TYW3: variants seen among roughly 807,000 people sequenced by gnomAD.
TYW3 encodes tRNA wybutosine-synthesizing protein 3 homolog.
Under a neutral mutation model 23.1 loss-of-function variants are expected in TYW3, and 26 were observed. That is an observed-to-expected ratio of 1.13 (90% CI 0.83 to 1.56). The LOEUF is 1.56. Ranked by LOEUF, TYW3 falls within the 40% of genes most tolerant of loss-of-function variation. TYW3 has a pLI of 0.00. For missense variants in TYW3, 316 were observed against 311.9 expected (o/e 1.01, Z -0.10); for synonymous variants, 102 against 105.7 (o/e 0.97, Z 0.21).
chr1:74,748,701 G>T, intron 3 of TYW3, 50 bp from the exon 4 acceptor site: 3 of 1,554,468 alleles, frequency 1.9e-6, no homozygotes, highest in East Asian at 2.3e-5. Context: ...CCAAACAGAT[G>T]ATCTGGTTAC....
intron 2 of TYW3, among the ~76,000 whole-genome samples, chr1:74,738,468 A>C (rs1648229615): frequency 6.6e-6 from 1 of 152,250 alleles, no homozygotes; most frequent in Non-Finnish European, 1.5e-5. Context: ...AGGTGGAAAG[A>C]ATGGTATAGA....
In TYW3 at chr1:74,765,913, G is replaced by A. The variant is rs1649292876; in HGVS notation, c.*1800G>A. 1 of 152,060 alleles carries A rather than the reference G, an allele frequency of 6.6e-6. No homozygotes were observed. The highest frequency in any genetic ancestry group is 6.6e-5 in the Admixed American group (1 of 15,254). 9.4% of individuals were successfully genotyped at this position (152,060 alleles called of 1,614,324 possible). ...CTGTTTATATAAGGTTAGTAGAGAG[G>A]AGACACCAGGTGCTGGCCATAAACC... is the stretch of plus-strand genomic sequence containing the variant. On this transcript the variant is annotated 3_prime_UTR_variant, in exon 6 of 6. Transcript: ENST00000370867.
intron 3 of TYW3, among the ~76,000 whole-genome samples, chr1:74,744,835 G>A (rs1648500588): frequency 6.6e-6 from 1 of 152,164 alleles, no homozygotes; most frequent in Non-Finnish European, 1.5e-5. Flanking sequence ...TCATGGTCTT[G>A]CTGACTTCCG....
At chr1:74,762,203 G>A (rs1649158659) in intron 5 of TYW3, among the ~76,000 whole-genome samples, 2 of 152,114 alleles carry the variant, frequency 1.3e-5, no homozygotes, top group South Asian at 4.1e-4. Flanking sequence ...TGTTGTATAT[G>A]TATTAGAGTT....
At chr1:74,748,027 G>A (rs1648648498) in intron 3 of TYW3, among the ~76,000 whole-genome samples, 1 of 152,094 alleles carries the variant, frequency 6.6e-6, no homozygotes, top group African/African-American at 2.4e-5. Flanking sequence ...TGGCATTTCA[G>A]GTCAAATAAT....
In TYW3 at chr1:74,766,397, G is replaced by T. The variant is rs772841433; in HGVS notation, c.*2284G>T. ...ACCTTCCAGTGGTACAAGATGTGGA[G>T]GAGGAAGACAGTGATACTGAGGATT... On this transcript the variant is annotated 3_prime_UTR_variant, in exon 6 of 6. Transcript: ENST00000370867. 6.6e-6 allele frequency: 1 copy of T among 152,086 alleles called. No individual in the cohort carries two copies. Among genetic ancestry groups the T allele is most frequent in the Non-Finnish European group, 1.5e-5 (1 of 68,010 alleles). 9.4% of individuals were successfully genotyped at this position (152,086 alleles called of 1,614,324 possible).
chr1:74,737,842 G>A (rs2100754529), intron 2 of TYW3, among the ~76,000 whole-genome samples: 1 of 152,238 alleles, frequency 6.6e-6, no homozygotes, highest in African/African-American at 2.4e-5. Context: ...TATAGCAGGA[G>A]GGAAGAGACT....
intron 3 of TYW3, among the ~76,000 whole-genome samples, chr1:74,743,301 C>T (rs1055481431): frequency 5.3e-5 from 8 of 152,120 alleles, no homozygotes; most frequent in Non-Finnish European, 1.0e-4. Flanking sequence ...CAGCCTTTCT[C>T]GGATCTCGCT....
chr1:74,743,082 TTG>T (rs1557744001), intron 3 of TYW3, among the ~76,000 whole-genome samples: 1 of 152,094 alleles, frequency 6.6e-6, no homozygotes, highest in Non-Finnish European at 1.5e-5. Context: ...CAGAGAACGT[TTG>T]TTCTCTGGGG....
At position 74,733,266 on chromosome 1, in the gene TYW3, A is replaced by G; in HGVS notation, c.22A>G (p.Arg8Gly). MDRSAEF[R>G]KWKAQCLSKA... ...ACCCATGGATCGCAGCGCGGAGTTC[A>G]GGAAATGGAAGGCGCAATGTTTGAG... is the stretch of plus-strand genomic sequence containing the variant. Residue 8 changes from arginine to glycine, a missense_variant, in exon 1 of 6, where the codon AGG becomes GGG. By Grantham distance (125) the Arg-to-Gly change is moderately radical. Coordinates refer to ENST00000370867, the MANE Select transcript of TYW3 (RefSeq NM_138467.3). 1 of 1,614,136 alleles carries G rather than the reference A, an allele frequency of 6.2e-7. No homozygotes were observed. The highest frequency in any genetic ancestry group is 8.5e-7 in the Non-Finnish European group (1 of 1,180,006).
At chr1:74,746,053 A>G (rs1433030409) in intron 3 of TYW3, among the ~76,000 whole-genome samples, 2 of 152,194 alleles carry the variant, frequency 1.3e-5, no homozygotes, top group Non-Finnish European at 2.9e-5. Flanking sequence ...GCATCAACAT[A>G]TGAATTTTGA....
At chr1:74,758,401 T>A (rs1195749375) in intron 5 of TYW3, among the ~76,000 whole-genome samples, 1 of 152,226 alleles carries the variant, frequency 6.6e-6, no homozygotes, top group Non-Finnish European at 1.5e-5. Context: ...TGGTTCCAAT[T>A]CTTATCATCA....
chr1:74,754,830 C>T (rs1455506878), intron 5 of TYW3, among the ~76,000 whole-genome samples: 2 of 152,094 alleles, frequency 1.3e-5, no homozygotes, highest in African/African-American at 4.8e-5. Flanking sequence ...AAGCAGCAGA[C>T]TGCTTTATAA....
intron 4 of TYW3, chr1:74,750,954 G>A (rs1648762875): frequency 6.6e-6 from 1 of 151,932 alleles, no homozygotes; most frequent in Admixed American, 6.6e-5. Context: ...ATTACACACA[G>A]GCCCTTGCCA....
intron 2 of TYW3, among the ~76,000 whole-genome samples, 175 bp from the exon 3 acceptor site, chr1:74,738,515 G>A (rs1307946869): frequency 6.6e-6 from 1 of 152,164 alleles, no homozygotes; most frequent in Non-Finnish European, 1.5e-5. Context: ...AAGAAAATAA[G>A]CAAATAAATT....
At chr1:74,750,874 C>G (rs28557011) in intron 4 of TYW3, among the ~76,000 whole-genome samples, 31 of 132,748 alleles carry the variant, frequency 2.3e-4, no homozygotes, top group African/African-American at 7.5e-4. Flanking sequence ...ATGTCTCAGT[C>G]TCAGCTCACT....
Position 74,733,436 on chromosome 1 carries a change from CT to C in TYW3, c.174+19del. On this transcript the variant is annotated intron_variant, in intron 1 of 5. Transcript: ENST00000370867. ...TTGACCGGGTGAGGCCCCTTTGCGC[CT>C]GTCCATCGCCTGCCTTCTAGTGCGA... The C allele has an allele frequency of 6.2e-7, 1 of 1,613,266 alleles. No homozygotes were observed. Among genetic ancestry groups the C allele is most frequent in the Non-Finnish European group, 8.5e-7 (1 of 1,179,528 alleles).
chr1:74,763,830 G>T lies in TYW3; in HGVS notation c.561-64G>T. The T allele has an allele frequency of 1.6e-6, 2 of 1,255,782 alleles. No individual in the cohort carries two copies. The highest frequency in any genetic ancestry group is 2.2e-6 in the Non-Finnish European group (2 of 899,800). The allele number at this position is 1,255,782 out of a possible 1,614,324, so 77.8% of individuals were successfully genotyped here. A position where few individuals can be genotyped will look rare whatever the true frequency, so the allele number is the denominator to read the frequency against. Reference sequence around the variant, plus strand: ...AAATTTACATAACTTATAAGCTCTTGGTGTATTTCAGTCATTTCGTTTCAG... The same window carrying T: ...AAATTTACATAACTTATAAGCTCTTTGTGTATTTCAGTCATTTCGTTTCAG... On this transcript the variant is annotated intron_variant, in intron 5 of 5. Coordinates refer to ENST00000370867, the MANE Select transcript of TYW3 (RefSeq NM_138467.3).
chr1:74,759,506 C>A (rs28445096), intron 5 of TYW3, among the ~76,000 whole-genome samples: 31,101 of 151,694 alleles, frequency 0.21, 4,419 homozygotes, highest in East Asian at 0.71. Flanking sequence ...TGAGCCACTG[C>A]ACATGGTCAA....
Sources: allele counts gnomAD v4.1 joint callset (sites outside exome capture counted in the v4.1 genomes callset), GRCh38; gene constraint gnomAD v4.1.1; transcripts MANE v1.5; gene names NCBI Gene and HGNC (gene_info 2026-07-23, HGNC 2026-07-21).